TBC1D9B: variants seen among roughly 807,000 people sequenced by gnomAD.
TBC1D9B encodes the protein TBC1 domain family, member 9B (with GRAM domain).
TBC1D9B carries 87 observed loss-of-function variants against 121.1 expected under a neutral mutation model. The observed-to-expected ratio is 0.72, with a 90% CI of 0.60 to 0.86. The LOEUF (loss-of-function observed/expected upper bound fraction) is 0.86, where lower values mean the gene tolerates loss of function less well. TBC1D9B is among the 40% of genes least tolerant of loss of function. The probability of loss-of-function intolerance (pLI) is 0.00; values close to 1 mark genes in which losing one functional copy is unlikely to be tolerated. For missense variants in TBC1D9B, 1,540 were observed against 1,628.6 expected, an observed-to-expected ratio of 0.95 and a Z score of 0.94; for synonymous variants, 668 against 670.1, an observed-to-expected ratio of 1.00 and a Z score of 0.05.
In TBC1D9B at chr5:179,875,111, G is replaced by C; in HGVS notation, c.1977C>G (p.Asp659Glu). The C allele has an allele frequency of 6.2e-7, 1 of 1,614,062 alleles. No homozygotes were observed. The highest frequency in any genetic ancestry group is 1.1e-5 in the South Asian group (1 of 91,090). Residue 659 changes from aspartate (D) to glutamate (E), a missense_variant, in exon 12 of 21, where the codon GAC (aspartate) becomes GAG (glutamate). Coordinates refer to ENST00000355235, the MANE Select transcript of TBC1D9B (RefSeq NM_015043.4). The surrounding 1 kb of genome is among the most constrained non-coding windows in gnomAD (Gnocchi z 4.5). The part of the protein sequence containing the change: ...FLPQLSEKMQ[D>E]LGVISSISLS... ...GCGAGATGCTGGAGATCACCCCCAGGTCCTGCATCTTCTCCGAGAGCTGCG... is the reference window on the plus strand; with the variant it reads ...GCGAGATGCTGGAGATCACCCCCAGCTCCTGCATCTTCTCCGAGAGCTGCG...
In TBC1D9B at chr5:179,879,502, G is replaced by A. The variant is rs1362889023; in HGVS notation, c.1416+126C>T. The A allele has an allele frequency of 2.1e-6, 3 of 1,431,132 alleles. No individual in the cohort carries two copies. In the African/African-American group the frequency reaches 4.2e-5, roughly 20 times the overall value. The allele number at this position is 1,431,132 out of a possible 1,614,324, so 88.7% of individuals were successfully genotyped here. A position where few individuals can be genotyped will look rare whatever the true frequency, so the allele number is the denominator to read the frequency against. On this transcript the variant is annotated intron_variant, in intron 8 of 20. Coordinates refer to ENST00000355235, the MANE Select transcript of TBC1D9B (RefSeq NM_015043.4). ...GTCTCACGCTGCCAGGGTGCAGCCT[G>A]GGTGGGCACTGCCCAGCGGTCAGCC...
chr5:179,869,675 C>G, intron 17 of TBC1D9B, 94 bp downstream of exon 17: 1 of 1,401,200 alleles, frequency 7.1e-7, no homozygotes, highest in Non-Finnish European at 1.0e-6. Flanking sequence ...TGTGCCCCCT[C>G]GAGGCCCCAC....
chr5:179,871,340 C>G (rs190806974), intron 15 of TBC1D9B, 122 bp downstream of exon 15: 1 of 992,054 alleles, frequency 1.0e-6, no homozygotes, highest in East Asian at 2.7e-5. Flanking sequence ...AGATCTGTTT[C>G]TGTTTTTCTA....
intron 7 of TBC1D9B, chr5:179,887,598 C>G (rs563559525): frequency 1.2e-5 from 2 of 165,680 alleles, no homozygotes; most frequent in East Asian, 3.8e-4. Flanking sequence ...GTGTGACTTT[C>G]GTCTGCCTCA....
chr5:179,894,607 A>G lies in TBC1D9B; in HGVS notation c.356T>C (p.Ile119Thr). 4 of 1,614,124 alleles carry G rather than the reference A, an allele frequency of 2.5e-6. No individual in the cohort carries two copies. The highest frequency in any genetic ancestry group is 3.4e-6 in the Non-Finnish European group (4 of 1,179,988). ...CTGCAGGTTCTTGTTCTCTTCTGCG[A>G]TGATTCCCTGGAGGAAGGCAAGAGG... ...TFVKGKIHGIIAEENKNLQPQ... is the reference protein window; with the variant it reads ...TFVKGKIHGITAEENKNLQPQ... The change falls in exon 4 of 21, where the codon ATC becomes ACC. Residue 119 changes from isoleucine to threonine, a missense_variant. Transcript: ENST00000355235.
rs147664127 is a variant in TBC1D9B at position 179,863,537 on chromosome 5, C to A, written c.3613G>T (p.Asp1205Tyr). 55 of 1,614,186 alleles carry A rather than the reference C, an allele frequency of 3.4e-5. No individual in the cohort carries two copies. Among genetic ancestry groups the A allele is most frequent in the African/African-American group, 3.2e-4 (24 of 75,042 alleles). Residue 1205 changes from aspartate (D) to tyrosine (Y), a missense_variant, in exon 21 of 21, where the codon GAC becomes TAC. Asp to Tyr is a radical substitution (Grantham distance 160). Coordinates refer to ENST00000355235, the MANE Select transcript of TBC1D9B (RefSeq NM_015043.4). The surrounding 1 kb of genome is among the most constrained non-coding windows in gnomAD (Gnocchi z 4.5). ...TGGTCCTTGATCTTGAGTCCAATGTCCACTCTCTTCTCAAAGAAGTTCACC... is the reference window on the plus strand; with the variant it reads ...TGGTCCTTGATCTTGAGTCCAATGTACACTCTCTTCTCAAAGAAGTTCACC... ...VLVNFFEKRV[D>Y]IGLKIKDQKK...
In TBC1D9B at chr5:179,890,541, G is replaced by A. The variant is rs1039931993; in HGVS notation, c.1044+838C>T. 3.3e-5 allele frequency among the ~76,000 whole-genome samples: 5 copies of A among 152,166 alleles called. No individual in the cohort carries two copies. Among genetic ancestry groups the A allele is most frequent in the African/African-American group, 4.8e-5 (2 of 41,422 alleles). ...TGGCTCTTCTGAGTTCCTTCCCTCT[G>A]ACTTCCCTTGGGGAAACTGAGGCAG... On this transcript the variant is annotated intron_variant, in intron 6 of 20. Coordinates refer to ENST00000355235, the MANE Select transcript of TBC1D9B (RefSeq NM_015043.4). The surrounding 1 kb of genome is among the most constrained non-coding windows in gnomAD (Gnocchi z 5.0).
Position 179,873,101 on chromosome 5 carries a change from G to T in TBC1D9B, c.2316+18C>A. On this transcript the variant is annotated intron_variant, in intron 13 of 20. Coordinates refer to ENST00000355235, the MANE Select transcript of TBC1D9B (RefSeq NM_015043.4). ...CAGATGGAGCGGCCTGGCCAAAATG[G>T]CCCCACTGGGTGCTGACCTCATAGG... The T allele has an allele frequency of 6.2e-7, 1 of 1,610,722 alleles. No homozygotes were observed. Among genetic ancestry groups the T allele is most frequent in the Non-Finnish European group, 8.5e-7 (1 of 1,178,022 alleles).
rs934089149 is a variant in TBC1D9B at position 179,878,520 on chromosome 5, G to A, written c.1571C>T (p.Ala524Val). Residue 524 changes from alanine (A) to valine (V), a missense_variant, in exon 10 of 21, where the codon GCC becomes GTC. Transcript: ENST00000355235. The stretch of plus-strand genomic sequence containing the variant: ...GGGGTGAGTCACCATCTCATTCCAG[G>A]CCCCTGGGGAGACACGGGTGCCAGC... ...RGELWLLFSG[A>V]WNEMVTHPGY... The A allele has an allele frequency of 4.4e-6, 7 of 1,600,412 alleles. No individual in the cohort carries two copies. The highest frequency in any genetic ancestry group is 6.0e-6 in the Non-Finnish European group (7 of 1,172,892).
In TBC1D9B at chr5:179,875,703, T is replaced by C. The variant is rs1212345697; in HGVS notation, c.1900+217A>G. Among the ~76,000 whole-genome samples the C allele has an allele frequency of 6.6e-6, 1 of 152,216 alleles. No individual in the cohort carries two copies. Among genetic ancestry groups the C allele is most frequent in the Non-Finnish European group, 1.5e-5 (1 of 68,046 alleles). The stretch of plus-strand genomic sequence containing the variant: ...GGATATATACTCTCTAGTTTTGATG[T>C]TTGAAATTTTCCATAATCAAAAAGT... On this transcript the variant is annotated intron_variant, in intron 11 of 20. Transcript: ENST00000355235. This position sits in a 1 kb window ranked among gnomAD's most constrained non-coding sequence, Gnocchi z 4.5.
In TBC1D9B at chr5:179,865,282, G is replaced by A. The variant is rs561194613; in HGVS notation, c.2993C>T (p.Thr998Met). ...GTTCATCTTGGGAAGATCCTTAATC[G>A]TCTCCTTCTGAGCCTCTTTCTCCTT... The part of the protein sequence containing the change: ...WAKEKEAQKE[T>M]IKDLPKMNQE... Residue 998 changes from threonine to methionine, a missense_variant, in exon 20 of 21, where the codon ACG (threonine) becomes ATG (methionine). By Grantham distance (81) the Thr-to-Met change is moderately conservative. Coordinates refer to ENST00000355235, the MANE Select transcript of TBC1D9B (RefSeq NM_015043.4). This position sits in a 1 kb window ranked among gnomAD's most constrained non-coding sequence, Gnocchi z 5.1. 1.4e-5 allele frequency: 22 copies of A among 1,614,024 alleles called. No homozygotes were observed. The Admixed American group carries it at 1.7e-4, about 12-fold the overall frequency.
At chr5:179,894,239 C>A in intron 4 of TBC1D9B, 147 bp downstream of exon 4, 2 of 759,474 alleles carry the variant, frequency 2.6e-6, no homozygotes, top group Non-Finnish European at 2.1e-6. Flanking sequence ...TGGCCAAGGC[C>A]GGACAGTCCC....
At position 179,878,886 on chromosome 5, in the gene TBC1D9B, G is replaced by GCCAGAGCCCAGAGC. The variant is rs374030686; in HGVS notation, c.1567+147_1567+160dup. Among the ~76,000 whole-genome samples the GCCAGAGCCCAGAGC allele has an allele frequency of 9.1e-4, 138 of 151,888 alleles. 1 individual carries two copies. Among genetic ancestry groups the GCCAGAGCCCAGAGC allele is most frequent in the African/African-American group, 3.2e-3 (130 of 41,208 alleles). ...GATGCTCCTTCTGGTTGGGTCCCGG[G>GCCAGAGCCCAGAGC]CCAGAGCCCAGAGCCCAGAGCCCGG... On this transcript the variant is annotated intron_variant, in intron 9 of 20. Transcript: ENST00000355235.
Position 179,865,844 on chromosome 5 carries a change from T to TATCCTCACTTC in TBC1D9B, c.2907_2908insGAAGTGAGGAT (p.Arg970GlufsTer40). 1 of 1,608,662 alleles carries TATCCTCACTTC rather than the reference T, an allele frequency of 6.2e-7. No homozygotes were observed. The highest frequency in any genetic ancestry group is 8.5e-7 in the Non-Finnish European group (1 of 1,177,130). On this transcript the variant is annotated frameshift_variant, in exon 19 of 21. Coordinates refer to ENST00000355235, the MANE Select transcript of TBC1D9B (RefSeq NM_015043.4). LOFTEE classifies it high-confidence loss of function. This position sits in a 1 kb window ranked among gnomAD's most constrained non-coding sequence, Gnocchi z 5.1. Reference sequence around the variant, plus strand: ...GGCAGAGAATGGCCTGTACCTCCTCTCTCCTCACTTCCACTTCCTTCTTGC... The same window carrying TATCCTCACTTC: ...GGCAGAGAATGGCCTGTACCTCCTCTATCCTCACTTCCTCCTCACTTCCACTTCCTTCTTGC...
At chr5:179,877,021 T>C (rs976897522) in intron 10 of TBC1D9B, among the ~76,000 whole-genome samples, 3 of 137,066 alleles carry the variant, frequency 2.2e-5, no homozygotes, top group African/African-American at 5.8e-5. Flanking sequence ...CAGTGAGCCA[T>C]GATCATGCCA....
chr5:179,891,354 G>C lies in TBC1D9B; in HGVS notation c.1044+25C>G. On this transcript the variant is annotated intron_variant, in intron 6 of 20. Coordinates refer to ENST00000355235, the MANE Select transcript of TBC1D9B (RefSeq NM_015043.4). This position sits in a 1 kb window ranked among gnomAD's most constrained non-coding sequence, Gnocchi z 4.3. The stretch of plus-strand genomic sequence containing the variant: ...GACACCTCGGGGCTGGAAAGGCCTT[G>C]GCCTCTCAACTAGGGGATGCTGACC... 1 of 1,613,784 alleles carries C rather than the reference G, an allele frequency of 6.2e-7. No homozygotes were observed. Among genetic ancestry groups the C allele is most frequent in the Non-Finnish European group, 8.5e-7 (1 of 1,179,752 alleles).
At chr5:179,864,199 A>C in intron 20 of TBC1D9B, 71 bp from the exon 21 acceptor site, 1 of 1,426,590 alleles carries the variant, frequency 7.0e-7, no homozygotes, top group Non-Finnish European at 9.4e-7. Context: ...TATTAGCCAA[A>C]CTGATGACAA....
In TBC1D9B at chr5:179,892,231, G is replaced by A. The variant is rs543365541; in HGVS notation, c.837-645C>T. 5.3e-5 allele frequency among the ~76,000 whole-genome samples: 8 copies of A among 152,378 alleles called. No individual in the cohort carries two copies. The South Asian group carries it at 1.4e-3, about 28-fold the overall frequency. ...GGGCCTGACTGCATTCTCACCGGCA[G>A]TGCCAGGAGCAGTCATGTTCCATCT... On this transcript the variant is annotated intron_variant, in intron 5 of 20. Transcript: ENST00000355235.
intron 10 of TBC1D9B, 47 bp from the exon 11 acceptor site, chr5:179,876,084 C>A (rs1760353297): frequency 1.3e-6 from 2 of 1,533,892 alleles, no homozygotes; most frequent in Non-Finnish European, 1.8e-6. Context: ...TGCTGGCCAG[C>A]AAATAAAACT....
Sources: gnomAD v4.1 joint callset for allele counts (sites outside exome capture counted in the v4.1 genomes callset) on GRCh38, gnomAD v4.1.1 for gene constraint, Gnocchi (gnomAD v3.1) non-coding constraint, MANE v1.5 for transcripts, NCBI Gene and HGNC (gene_info 2026-07-23, HGNC 2026-07-21) for gene names.